MYO1D: variants seen among roughly 807,000 people sequenced by gnomAD.
The protein encoded by MYO1D is unconventional myosin-Id.
A neutral mutation model predicts 122.0 loss-of-function variants in MYO1D; 83 were observed. That is an observed-to-expected ratio of 0.68 (90% confidence interval 0.57 to 0.82). The LOEUF is 0.82. MYO1D is among the 40% of genes least tolerant of loss of function. The pLI, the probability that MYO1D is intolerant of heterozygous loss-of-function variation, is 0.00. For missense variants in MYO1D, 1,157 were observed against 1,269.5 expected (o/e 0.91, Z 1.35); for synonymous variants, 464 against 446.9 (o/e 1.04, Z -0.48).
At chr17:32,730,841 A>AT (rs372503258) in intron 14 of MYO1D, among the ~76,000 whole-genome samples, 8 of 138,732 alleles carry the variant, frequency 5.8e-5, no homozygotes, top group African/African-American at 2.2e-4. Flanking sequence ...TGTTCTATCC[A>AT]TTTTCTCTTC....
At chr17:32,687,254 T>C (rs749884836) in intron 16 of MYO1D, among the ~76,000 whole-genome samples, 23 of 150,116 alleles carry the variant, frequency 1.5e-4, no homozygotes, top group Admixed American at 2.7e-4. Flanking sequence ...TGGAGTGCAG[T>C]GGCGCGATCT....
intron 21 of MYO1D, among the ~76,000 whole-genome samples, chr17:32,570,145 T>C (rs1003099274): frequency 1.3e-5 from 2 of 152,166 alleles, no homozygotes; most frequent in Non-Finnish European, 2.9e-5. Flanking sequence ...TCTAAGTTCC[T>C]TCCAGCCTCA....
At chr17:32,694,734 A>T (rs2089150357) in intron 16 of MYO1D, among the ~76,000 whole-genome samples, 1 of 150,400 alleles carries the variant, frequency 6.6e-6, no homozygotes, top group South Asian at 2.1e-4. Context: ...AAAAAAAAAA[A>T]TTTGCTACTT....
At chr17:32,665,160 A>T (rs1172929627) in intron 16 of MYO1D, among the ~76,000 whole-genome samples, 1 of 152,136 alleles carries the variant, frequency 6.6e-6, no homozygotes, top group Non-Finnish European at 1.5e-5. Context: ...AAGGGAGGCC[A>T]GCCCTGGCCT....
chr17:32,493,274 A>AT lies in MYO1D; in HGVS notation c.*1484dup, dbSNP rs1908954178. On this transcript the variant is annotated 3_prime_UTR_variant, in exon 22 of 22. Coordinates refer to ENST00000318217, the MANE Select transcript of MYO1D (RefSeq NM_015194.3). ...TTTGTTGCAAACTGCACACAGTGCA[A>AT]TTTTTGGGAAGCAGGGATGGGGAGT... 6.6e-6 allele frequency: 1 copy of AT among 152,212 alleles called. No individual in the cohort carries two copies. The highest frequency in any genetic ancestry group is 1.5e-5 in the Non-Finnish European group (1 of 68,078). The allele number at this position is 152,212 out of a possible 1,614,324, so 9.4% of individuals were successfully genotyped here.
intron 21 of MYO1D, among the ~76,000 whole-genome samples, chr17:32,548,442 A>G (rs2086983538): frequency 6.6e-6 from 1 of 151,704 alleles, no homozygotes; most frequent in South Asian, 2.1e-4. Flanking sequence ...AAAAAAAAAA[A>G]AGTTTATCCT....
chr17:32,569,356 G>C (rs1182011731), intron 21 of MYO1D, among the ~76,000 whole-genome samples: 1 of 152,214 alleles, frequency 6.6e-6, no homozygotes, highest in African/African-American at 2.4e-5. Context: ...AGTGTTTGCA[G>C]GTGCACTGGG....
At chr17:32,638,644 C>T (rs2088141646) in intron 20 of MYO1D, 78 bp downstream of exon 20, 4 of 880,506 alleles carry the variant, frequency 4.5e-6, no homozygotes, top group Admixed American at 2.1e-5. Context: ...GATTCTAGAA[C>T]TCAGTCTATT....
intron 1 of MYO1D, among the ~76,000 whole-genome samples, chr17:32,810,850 T>C (rs2090564683): frequency 6.6e-6 from 1 of 151,160 alleles, no homozygotes; most frequent in Admixed American, 6.6e-5. Flanking sequence ...TTTGAGGAGT[T>C]GTCTTTTTTT....
chr17:32,551,385 G>A (rs1231506413), intron 21 of MYO1D, among the ~76,000 whole-genome samples: 2 of 152,192 alleles, frequency 1.3e-5, no homozygotes, highest in Admixed American at 6.5e-5. Context: ...AGGCTAACCG[G>A]CTAGACAAGA....
At chr17:32,683,698 T>G (rs1202300724) in intron 16 of MYO1D, among the ~76,000 whole-genome samples, 2 of 151,354 alleles carry the variant, frequency 1.3e-5, no homozygotes, top group Non-Finnish European at 2.9e-5. Context: ...TACTGCTGTC[T>G]TTTTGTTTGT....
intron 1 of MYO1D, among the ~76,000 whole-genome samples, chr17:32,790,355 T>C (rs773339018): frequency 2.0e-5 from 3 of 152,220 alleles, no homozygotes; most frequent in Admixed American, 2.0e-4. Context: ...CCTTTATTCA[T>C]CTAAATTCCC....
intron 15 of MYO1D, among the ~76,000 whole-genome samples, chr17:32,718,388 C>T (rs2089471051): frequency 6.6e-6 from 1 of 152,186 alleles, no homozygotes; most frequent in African/African-American, 2.4e-5. Context: ...AAAGTTGCTA[C>T]ACTTTTCTTC....
At chr17:32,734,017 A>G (rs2151000088) in intron 14 of MYO1D, among the ~76,000 whole-genome samples, 1 of 152,322 alleles carries the variant, frequency 6.6e-6, no homozygotes, top group South Asian at 2.1e-4. Flanking sequence ...TAATCTCATT[A>G]AATGAGTTGA....
chr17:32,535,323 T>A (rs896877747), intron 21 of MYO1D, among the ~76,000 whole-genome samples: 11 of 152,220 alleles, frequency 7.2e-5, no homozygotes, highest in Admixed American at 3.3e-4. Flanking sequence ...CAGATTAAAT[T>A]TTCACTTTAT....
At chr17:32,776,478 T>C (rs1247157451) in intron 3 of MYO1D, among the ~76,000 whole-genome samples, 2 of 152,214 alleles carry the variant, frequency 1.3e-5, no homozygotes, top group East Asian at 3.8e-4. Context: ...ATGGGCAAGG[T>C]AGGATTTCAG....
intron 14 of MYO1D, 33 bp from the exon 15 acceptor site, chr17:32,721,222 A>AC (rs776611587): frequency 1.4e-5 from 22 of 1,603,400 alleles, no homozygotes; most frequent in Non-Finnish European, 1.8e-5. Flanking sequence ...GGTAAGTTTC[A>AC]CTGGAGAAAA....
intron 7 of MYO1D, among the ~76,000 whole-genome samples, chr17:32,766,000 C>T (rs1377755131): frequency 2.0e-5 from 3 of 152,036 alleles, no homozygotes; most frequent in Non-Finnish European, 2.9e-5. Context: ...CTTCCACCCC[C>T]AGCCCCTCTA....
Position 32,771,184 on chromosome 17 carries a change from G to C in MYO1D, c.655C>G (p.Leu219Val), listed in dbSNP as rs369662131. ...QGGSEQMLRS[L>V]HLQKSLSSYN... ...GATGAAAGGGATTTCTGGAGATGTA[G>C]AGAGCGTAGCATTTGTTCTGAACCT... The change falls in exon 6 of 22, where the codon CTA (leucine) becomes GTA (valine). Residue 219 changes from leucine (L) to valine (V), a missense_variant. By Grantham distance (32) the Leu-to-Val change is conservative (BLOSUM62 1). Coordinates refer to ENST00000318217, the MANE Select transcript of MYO1D (RefSeq NM_015194.3). 10 of 1,611,936 alleles carry C rather than the reference G, an allele frequency of 6.2e-6. No homozygotes were observed. The East Asian group carries it at 6.7e-5, about 11-fold the overall frequency.
Sources: gnomAD v4.1 joint callset for allele counts (sites outside exome capture counted in the v4.1 genomes callset) on GRCh38, gnomAD v4.1.1 for gene constraint, MANE v1.5 for transcripts, NCBI Gene and HGNC (gene_info 2026-07-23, HGNC 2026-07-21) for gene names.